Variants in WWOX observed in about 807,000 individuals in gnomAD.
The protein encoded by WWOX is WW domain containing oxidoreductase.
Under a neutral mutation model 46.2 loss-of-function variants are expected in WWOX, and 69 were observed. That is an observed-to-expected ratio of 1.49 (90% confidence interval 1.23 to 1.82). The LOEUF is 1.82. Ranked by LOEUF, WWOX falls within the 40% of genes most tolerant of loss-of-function variation. WWOX has a pLI of 0.00. For missense variants in WWOX, 919 were observed against 542.6 expected, an observed-to-expected ratio of 1.69 and a Z score of -6.89; for synonymous variants, 359 against 202.6, an observed-to-expected ratio of 1.77 and a Z score of -6.56.
chr16:78,860,409 C>A (rs1330137241), intron 8 of WWOX, among the ~76,000 whole-genome samples: 1 of 152,048 alleles, frequency 6.6e-6, no homozygotes, highest in Non-Finnish European at 1.5e-5. Flanking sequence ...CACATAAGAC[C>A]TAGTATATAG....
chr16:78,782,087 T>C (rs1267210787), intron 8 of WWOX, among the ~76,000 whole-genome samples: 1 of 152,196 alleles, frequency 6.6e-6, no homozygotes, highest in African/African-American at 2.4e-5. Flanking sequence ...GAGAAATAGA[T>C]GAAGCTGTTA....
chr16:79,210,285 T>C (rs948449712), intron 8 of WWOX, among the ~76,000 whole-genome samples: 1 of 152,194 alleles, frequency 6.6e-6, no homozygotes, highest in African/African-American at 2.4e-5. Context: ...GGCAGATTCT[T>C]CACGTCGTAA....
intron 8 of WWOX, among the ~76,000 whole-genome samples, chr16:78,971,340 A>C (rs1448880189): frequency 1.3e-5 from 2 of 151,392 alleles, no homozygotes; most frequent in Non-Finnish European, 2.9e-5. Context: ...TTGTAATCCC[A>C]GCTACTCAGA....
chr16:78,691,605 G>A (rs146004734), intron 8 of WWOX, among the ~76,000 whole-genome samples: 68 of 152,272 alleles, frequency 4.5e-4, no homozygotes, highest in Non-Finnish European at 7.8e-4. Context: ...CTAACTGGGA[G>A]TCTGAGGCAA....
At chr16:78,985,764 A>C (rs1234377967) in intron 8 of WWOX, among the ~76,000 whole-genome samples, 1 of 78,758 alleles carries the variant, frequency 1.3e-5, no homozygotes, top group African/African-American at 3.1e-5. Context: ...GTGAGACTCC[A>C]TCTGAAAAAG....
chr16:79,054,984 C>G (rs988437316), intron 8 of WWOX, among the ~76,000 whole-genome samples: 1 of 152,186 alleles, frequency 6.6e-6, no homozygotes, highest in South Asian at 2.1e-4. Flanking sequence ...CAATGGTTTT[C>G]CACTGACTAA....
intron 8 of WWOX, among the ~76,000 whole-genome samples, chr16:78,915,388 C>T (rs1597145320): frequency 6.6e-6 from 1 of 152,256 alleles, no homozygotes; most frequent in East Asian, 1.9e-4. Context: ...ATTTTTCCAT[C>T]TAAATAGCTT....
intron 4 of WWOX, among the ~76,000 whole-genome samples, chr16:78,150,395 G>C (rs1048475599): frequency 6.6e-6 from 1 of 152,138 alleles, no homozygotes; most frequent in Non-Finnish European, 1.5e-5. Context: ...TTTTGAGATA[G>C]GGTCTCGCTC....
chr16:78,405,730 A>T (rs929947931), intron 6 of WWOX, among the ~76,000 whole-genome samples: 1 of 152,186 alleles, frequency 6.6e-6, no homozygotes. Context: ...GTCAAGGCTG[A>T]TGCTGGGCTT....
chr16:78,376,408 G>C (rs549529489), intron 5 of WWOX, among the ~76,000 whole-genome samples: 1 of 152,198 alleles, frequency 6.6e-6, no homozygotes, highest in African/African-American at 2.4e-5. Flanking sequence ...ATTTGAACCA[G>C]GCTGTCCCTG....
At chr16:78,789,368 A>T (rs2050537798) in intron 8 of WWOX, among the ~76,000 whole-genome samples, 2 of 152,226 alleles carry the variant, frequency 1.3e-5, no homozygotes, top group African/African-American at 4.8e-5. Flanking sequence ...TTGAATGTGA[A>T]TATCCATTTG....
At chr16:78,617,123 G>A (rs565387566) in intron 8 of WWOX, among the ~76,000 whole-genome samples, 15 of 152,206 alleles carry the variant, frequency 9.9e-5, no homozygotes, top group African/African-American at 3.6e-4. Flanking sequence ...GTCTTTAAAA[G>A]GTGATAGGCC....
At chr16:78,454,235 C>T (rs1253919782) in intron 8 of WWOX, among the ~76,000 whole-genome samples, 1 of 152,156 alleles carries the variant, frequency 6.6e-6, no homozygotes, top group African/African-American at 2.4e-5. Context: ...TGTAGCAGGA[C>T]AAATTCTGAT....
intron 8 of WWOX, among the ~76,000 whole-genome samples, chr16:78,643,156 A>T (rs1371950073): frequency 1.3e-5 from 2 of 152,186 alleles, no homozygotes; most frequent in African/African-American, 4.8e-5. Flanking sequence ...AGAGGATCCG[A>T]CAGCTCTGGA....
intron 8 of WWOX, among the ~76,000 whole-genome samples, chr16:78,441,875 A>G (rs546238483): frequency 1.1e-3 from 165 of 152,048 alleles, no homozygotes; most frequent in Middle Eastern, 3.4e-3. Context: ...TAGATACTCA[A>G]TAACCATTAT....
intron 8 of WWOX, among the ~76,000 whole-genome samples, chr16:79,193,088 C>T (rs1012536565): frequency 2.0e-5 from 3 of 152,246 alleles, no homozygotes; most frequent in African/African-American, 7.2e-5. Flanking sequence ...TCTGTGATCC[C>T]AGGGGCAAGG....
At chr16:78,399,561 C>G (rs925177171) in intron 6 of WWOX, among the ~76,000 whole-genome samples, 22 of 152,168 alleles carry the variant, frequency 1.4e-4, no homozygotes, top group African/African-American at 5.3e-4. Context: ...CAAGCCTGCT[C>G]TTTGACCTGC....
At chr16:79,194,440 T>C (rs1318124485) in intron 8 of WWOX, among the ~76,000 whole-genome samples, 3 of 152,150 alleles carry the variant, frequency 2.0e-5, no homozygotes, top group Non-Finnish European at 2.9e-5. Context: ...ATAGATGGAC[T>C]GTGAAGATGA....
At chr16:78,929,334 A>G (rs967569560) in intron 8 of WWOX, among the ~76,000 whole-genome samples, 10 of 151,992 alleles carry the variant, frequency 6.6e-5, no homozygotes, top group African/African-American at 2.4e-4. Flanking sequence ...AAATACTTGA[A>G]TTTTCAGTTT....
Sources: gnomAD v4.1 joint callset for allele counts (sites outside exome capture counted in the v4.1 genomes callset) on GRCh38, gnomAD v4.1.1 for gene constraint, MANE v1.5 for transcripts, NCBI Gene and HGNC (gene_info 2026-07-23, HGNC 2026-07-21) for gene names.